Variants in XKR6 observed in about 807,000 individuals in gnomAD.
The protein encoded by XKR6 is XK related 6.
In XKR6, 22 loss-of-function variants were observed where a neutral mutation model predicts 56.7. The observed-to-expected ratio is 0.39, with a 90% CI of 0.28 to 0.55. The LOEUF is 0.55. XKR6 is among the 20% of genes least tolerant of loss of function. The pLI, the probability that XKR6 is intolerant of heterozygous loss-of-function variation, is 0.66. For synonymous variants in XKR6, 524 were observed against 387.8 expected, an observed-to-expected ratio of 1.35 and a Z score of -4.13; for missense variants, 852 against 889.0, an observed-to-expected ratio of 0.96 and a Z score of 0.53.
At chr8:11,188,016 G>T (rs1803365386) in intron 1 of XKR6, among the ~76,000 whole-genome samples, 1 of 152,056 alleles carries the variant, frequency 6.6e-6, no homozygotes, top group African/African-American at 2.4e-5. Context: ...AAGTAGTCTG[G>T]CCTTAATCCT....
rs952437997 is a variant in XKR6 at position 11,201,334 on chromosome 8, C to T, written c.6G>A (p.Ala2=). The T allele has an allele frequency of 1.9e-6, 3 of 1,554,784 alleles. No homozygotes were observed. The highest frequency in any genetic ancestry group is 2.6e-6 in the Non-Finnish European group (3 of 1,160,948). Residue 2 remains alanine, a synonymous_variant, in exon 1 of 3, where the codon GCG becomes GCA. Transcript: ENST00000416569. ...CCACGCCACCGCCATCGGATTTCGC[C>T]GCCATCTTGACTCTCTTCCCAGCTC... M[A]AKSDGGGVGV... is the part of the protein sequence containing the mutation.
chr8:10,907,867 A>T (rs1016083759), intron 2 of XKR6, among the ~76,000 whole-genome samples: 2 of 152,214 alleles, frequency 1.3e-5, no homozygotes, highest in Admixed American at 1.3e-4. Context: ...TGCAAAGCTG[A>T]TGACACTTCT....
intron 1 of XKR6, among the ~76,000 whole-genome samples, chr8:11,053,517 C>T (rs768372281): frequency 1.3e-5 from 2 of 152,182 alleles, no homozygotes; most frequent in African/African-American, 4.8e-5. Flanking sequence ...GGAGGATGGG[C>T]GGCATCCCTG....
intron 1 of XKR6, among the ~76,000 whole-genome samples, chr8:11,087,553 T>G (rs1797930947): frequency 6.6e-6 from 1 of 152,082 alleles, no homozygotes. Context: ...AGACCTCCTC[T>G]CCTTCCTCTG....
chr8:11,138,803 A>T (rs970589363), intron 1 of XKR6, among the ~76,000 whole-genome samples: 1 of 152,226 alleles, frequency 6.6e-6, no homozygotes, highest in African/African-American at 2.4e-5. Context: ...CAAAATGACT[A>T]ATTTTATTTG....
At chr8:11,184,510 T>C (rs1803165047) in intron 1 of XKR6, among the ~76,000 whole-genome samples, 1 of 152,080 alleles carries the variant, frequency 6.6e-6, no homozygotes, top group African/African-American at 2.4e-5. Flanking sequence ...ACTGAACAGG[T>C]ATTTTAAGAC....
At chr8:10,958,538 C>T (rs542955005) in intron 1 of XKR6, among the ~76,000 whole-genome samples, 151 of 152,194 alleles carry the variant, frequency 9.9e-4, no homozygotes, top group Non-Finnish European at 1.7e-3. Context: ...TTTCATCACC[C>T]GAGACATGGC....
chr8:10,949,358 G>C (rs1432062314), intron 1 of XKR6, among the ~76,000 whole-genome samples: 1 of 152,216 alleles, frequency 6.6e-6, no homozygotes, highest in Non-Finnish European at 1.5e-5. Flanking sequence ...CCTTCATCTG[G>C]GGTGCAGCAG....
intron 1 of XKR6, among the ~76,000 whole-genome samples, chr8:11,039,104 A>G (rs1010196791): frequency 1.3e-5 from 2 of 152,174 alleles, no homozygotes; most frequent in African/African-American, 4.8e-5. Flanking sequence ...TTTGGCAGGA[A>G]GAAGCCTGTA....
intron 1 of XKR6, among the ~76,000 whole-genome samples, chr8:11,146,482 A>G (rs943164988): frequency 3.9e-5 from 6 of 152,230 alleles, no homozygotes; most frequent in African/African-American, 1.4e-4. Flanking sequence ...TTTAAAAATT[A>G]GATGAGCATG....
rs539102148 is a variant in XKR6 at position 11,184,838 on chromosome 8, A to G, written c.764+15738T>C. ...TGAGCCACCATGCACAGCCTCAATA[A>G]GGAATTTTCAGATCATCTGAATCCA... On this transcript the variant is annotated intron_variant, in intron 1 of 2. Coordinates refer to ENST00000416569, the MANE Select transcript of XKR6 (RefSeq NM_173683.4). Among the ~76,000 whole-genome samples the G allele has an allele frequency of 3.3e-5, 5 of 152,284 alleles. No homozygotes were observed. In the East Asian group the frequency reaches 7.7e-4, roughly 23 times the overall value.
At chr8:11,195,134 A>C (rs1216268380) in intron 1 of XKR6, 2 of 703,038 alleles carry the variant, frequency 2.8e-6, no homozygotes, top group African/African-American at 3.5e-5. Context: ...AGATGGGAGG[A>C]GGGAGAAGGG....
chr8:11,201,381 G>T lies in XKR6; in HGVS notation c.-42C>A. ...GCTCCGGAGGTTGGGGGGGAGGGAC[G>T]GCGGGGGGGGGGGGAAGAAGGCAGG... On this transcript the variant is annotated 5_prime_UTR_variant, in exon 1 of 3. Transcript: ENST00000416569. 1 of 1,049,024 alleles carries T rather than the reference G, an allele frequency of 9.5e-7. No individual in the cohort carries two copies. The highest frequency in any genetic ancestry group is 1.2e-6 in the Non-Finnish European group (1 of 813,168). 65.0% of individuals were successfully genotyped at this position (1,049,024 alleles called of 1,614,324 possible).
chr8:11,142,700 T>C (rs1800768785), intron 1 of XKR6, among the ~76,000 whole-genome samples: 1 of 152,200 alleles, frequency 6.6e-6, no homozygotes, highest in Non-Finnish European at 1.5e-5. Context: ...AAGCAGAAGC[T>C]GGTGCCATGC....
chr8:11,058,640 G>A (rs1350214388), intron 1 of XKR6, among the ~76,000 whole-genome samples: 1 of 152,150 alleles, frequency 6.6e-6, no homozygotes, highest in Non-Finnish European at 1.5e-5. Flanking sequence ...TGAACAATGA[G>A]AACAGATGGA....
intron 2 of XKR6, among the ~76,000 whole-genome samples, chr8:10,902,178 T>C (rs79916919): frequency 6.6e-6 from 1 of 152,358 alleles, no homozygotes; most frequent in Non-Finnish European, 1.5e-5. Flanking sequence ...AAGACATCAC[T>C]GCTAACTTAC....
chr8:10,999,732 A>C (rs934227846), intron 1 of XKR6, among the ~76,000 whole-genome samples: 1 of 152,220 alleles, frequency 6.6e-6, no homozygotes, highest in Non-Finnish European at 1.5e-5. Context: ...ACAAGGAGGT[A>C]GCATAAAAAG....
intron 2 of XKR6, among the ~76,000 whole-genome samples, chr8:10,920,160 T>C (rs185910117): frequency 2.7e-4 from 41 of 152,250 alleles, no homozygotes; most frequent in Middle Eastern, 3.4e-3. Context: ...CCTAATGGTA[T>C]ACAGTGGACA....
intron 1 of XKR6, among the ~76,000 whole-genome samples, chr8:11,060,164 G>A (rs1261807663): frequency 6.6e-6 from 1 of 152,210 alleles, no homozygotes; most frequent in African/African-American, 2.4e-5. Flanking sequence ...GGCAGGCGGA[G>A]ATAAAGAGAA....
Sources: allele counts gnomAD v4.1 joint callset (sites outside exome capture counted in the v4.1 genomes callset), GRCh38; gene constraint gnomAD v4.1.1; transcripts MANE v1.5; gene names NCBI Gene and HGNC (gene_info 2026-07-23, HGNC 2026-07-21).